Variants in GRAMD2A observed in about 807,000 individuals in gnomAD.
The protein encoded by GRAMD2A is GRAM domain-containing protein 2A.
A neutral mutation model predicts 51.1 loss-of-function variants in GRAMD2A; 37 were observed. The ratio of observed to expected loss-of-function variants is 0.72; its 90% CI spans 0.56 to 0.95. The LOEUF (loss-of-function observed/expected upper bound fraction) is 0.95. Ranked by LOEUF, GRAMD2A falls within the 40% of genes least tolerant of loss-of-function variation. The pLI is 0.00. For synonymous variants in GRAMD2A, 136 were observed against 157.1 expected (o/e 0.87, Z 1.01); for missense variants, 414 against 426.9 (o/e 0.97, Z 0.27).
intron 5 of GRAMD2A, 55 bp downstream of exon 5, chr15:72,167,681 G>C: frequency 7.5e-7 from 1 of 1,338,626 alleles, no homozygotes; most frequent in East Asian, 2.3e-5. Context: ...TGCCCGTGGG[G>C]CAGGAGGCTG....
chr15:72,171,413 A>G (rs894221354), intron 1 of GRAMD2A, among the ~76,000 whole-genome samples: 2 of 152,222 alleles, frequency 1.3e-5, no homozygotes, highest in African/African-American at 4.8e-5. Flanking sequence ...AACCTATGTA[A>G]ATGGTTATAT....
Position 72,166,597 on chromosome 15 carries a change from G to A in GRAMD2A, c.543+35C>T, listed in dbSNP as rs770414935. ...GCAAGACCTGCATCCAGGCCTGAGC[G>A]ACTTCCCTGGCCTTCCTGCTCCCAA... On this transcript the variant is annotated intron_variant, in intron 7 of 11. Transcript: ENST00000309731. The surrounding 1 kb of genome is among the most constrained non-coding windows in gnomAD (Gnocchi z 4.1). The A allele has an allele frequency of 1.5e-5, 23 of 1,544,132 alleles. No homozygotes were observed. The highest frequency in any genetic ancestry group is 1.8e-5 in the Non-Finnish European group (20 of 1,117,098).
intron 1 of GRAMD2A, among the ~76,000 whole-genome samples, chr15:72,189,738 T>G (rs2081755440): frequency 6.6e-6 from 1 of 152,204 alleles, no homozygotes; most frequent in Non-Finnish European, 1.5e-5. Context: ...AGAGTACCTA[T>G]GAAGCAGGTT....
chr15:72,191,908 T>A (rs1275954143), intron 1 of GRAMD2A, among the ~76,000 whole-genome samples: 1 of 152,326 alleles, frequency 6.6e-6, no homozygotes, highest in Admixed American at 6.5e-5. Context: ...CTCTTTGACT[T>A]TAGTCAAAGT....
In GRAMD2A at chr15:72,165,412, T is replaced by G. The variant is rs1389686059; in HGVS notation, c.544-2A>C. On this transcript the variant is annotated splice_acceptor_variant, in intron 7 of 11. Transcript: ENST00000309731. LOFTEE classifies it high-confidence loss of function. ...ACTCAGACTCTTCTTGCTGGAAGGC[T>G]GAGGAGGAAAGGGAACAGCAGTCAC... The G allele has an allele frequency of 6.2e-7, 1 of 1,614,006 alleles. No homozygotes were observed. The highest frequency in any genetic ancestry group is 1.7e-5 in the Admixed American group (1 of 60,028).
intron 1 of GRAMD2A, among the ~76,000 whole-genome samples, chr15:72,188,548 C>A (rs1007132369): frequency 1.3e-5 from 2 of 152,086 alleles, no homozygotes; most frequent in Non-Finnish European, 2.9e-5. Flanking sequence ...ATTGGAAAAG[C>A]GTTCTGTAGA....
chr15:72,179,193 T>C (rs1406211709), intron 1 of GRAMD2A, among the ~76,000 whole-genome samples: 1 of 152,170 alleles, frequency 6.6e-6, no homozygotes, highest in African/African-American at 2.4e-5. Flanking sequence ...AGGGGGGATG[T>C]GGAGGGCCAG....
intron 1 of GRAMD2A, 73 bp downstream of exon 1, chr15:72,197,658 C>A: frequency 8.4e-7 from 1 of 1,191,454 alleles, no homozygotes; most frequent in Non-Finnish European, 1.1e-6. Context: ...AGCCGTCCTG[C>A]CCCGCGCGGC....
chr15:72,183,500 G>GC (rs2140557177), intron 1 of GRAMD2A, among the ~76,000 whole-genome samples: 2 of 150,744 alleles, frequency 1.3e-5, no homozygotes, highest in African/African-American at 4.9e-5. Context: ...GGGCGACAGA[G>GC]CGAGACCATG....
At chr15:72,186,482 G>A (rs527985823) in intron 1 of GRAMD2A, among the ~76,000 whole-genome samples, 3 of 151,864 alleles carry the variant, frequency 2.0e-5, no homozygotes, top group South Asian at 2.1e-4. Flanking sequence ...ATGCCACCAC[G>A]CCCGGATAAT....
chr15:72,193,096 A>G (rs961659590), intron 1 of GRAMD2A, among the ~76,000 whole-genome samples: 1 of 152,074 alleles, frequency 6.6e-6, no homozygotes, highest in Admixed American at 6.6e-5. Context: ...ATTGCACTCT[A>G]GCCTGGGCAA....
chr15:72,181,701 CT>C (rs1292724691), intron 1 of GRAMD2A, among the ~76,000 whole-genome samples: 11 of 152,172 alleles, frequency 7.2e-5, no homozygotes, highest in Non-Finnish European at 1.6e-4. Context: ...ATAGTGGGCT[CT>C]TTTGCTGAGA....
intron 1 of GRAMD2A, chr15:72,176,573 G>A (rs2081654526): frequency 6.6e-6 from 1 of 152,482 alleles, no homozygotes; most frequent in Non-Finnish European, 1.5e-5. Flanking sequence ...AACACATCAT[G>A]GCAACAGGCC....
intron 8 of GRAMD2A, among the ~76,000 whole-genome samples, chr15:72,164,869 T>C (rs1596676742): frequency 6.6e-6 from 1 of 152,110 alleles, no homozygotes. Flanking sequence ...CTGGGCACGG[T>C]GGCTCACGCC....
chr15:72,190,249 G>T (rs1218840110), intron 1 of GRAMD2A, among the ~76,000 whole-genome samples: 7 of 152,114 alleles, frequency 4.6e-5, no homozygotes. Flanking sequence ...CGTGGTGGCA[G>T]GCGCCTGTAG....
chr15:72,179,519 A>G (rs1180453421), intron 1 of GRAMD2A, among the ~76,000 whole-genome samples: 1 of 152,254 alleles, frequency 6.6e-6, no homozygotes, highest in Non-Finnish European at 1.5e-5. Flanking sequence ...AGAGAGAAGC[A>G]GGGGGCCATG....
rs1030940509 is a variant in GRAMD2A, at chr15:72,160,128, T to C, written c.*1881A>G. The stretch of plus-strand genomic sequence containing the variant: ...GCATGGCTCTTGCCCTTTCTGAGCC[T>C]GGGTATAGCTGAAGACCAAGTTCAC... On this transcript the variant is annotated 3_prime_UTR_variant, in exon 12 of 12. Transcript: ENST00000309731. 3.3e-5 allele frequency: 5 copies of C among 152,150 alleles called. No homozygotes were observed. The highest frequency in any genetic ancestry group is 1.2e-4 in the African/African-American group (5 of 41,420). The allele number at this position is 152,150 out of a possible 1,614,324, so 9.4% of individuals were successfully genotyped here.
intron 1 of GRAMD2A, among the ~76,000 whole-genome samples, chr15:72,179,651 A>G (rs2081682198): frequency 6.6e-6 from 1 of 152,214 alleles, no homozygotes; most frequent in African/African-American, 2.4e-5. Flanking sequence ...TGACCTGCAG[A>G]TCGTCAGGGC....
chr15:72,169,810 G>T (rs1423662015), intron 2 of GRAMD2A, 37 bp downstream of exon 2: 2 of 1,523,622 alleles, frequency 1.3e-6, no homozygotes, highest in South Asian at 1.1e-5. Flanking sequence ...CCACCCTCTA[G>T]TCTGTGTGTA....
Sources: gnomAD v4.1 joint callset for allele counts (sites outside exome capture counted in the v4.1 genomes callset) on GRCh38, gnomAD v4.1.1 for gene constraint, Gnocchi (gnomAD v3.1) non-coding constraint, MANE v1.5 for transcripts, NCBI Gene and HGNC (gene_info 2026-07-23, HGNC 2026-07-21) for gene names.